The following PAX5 variants were observed in gnomAD, a reference collection of about 807,000 sequenced individuals.
PAX5 encodes paired box 5.
PAX5 carries 9 observed loss-of-function variants against 43.7 expected under a neutral mutation model. The ratio of observed to expected loss-of-function variants is 0.21; its 90% CI spans 0.12 to 0.36. The LOEUF (loss-of-function observed/expected upper bound fraction) is 0.36, where lower values mean the gene tolerates loss of function less well. Ranked by LOEUF, PAX5 falls within the 10% of genes least tolerant of loss-of-function variation. The pLI, the probability that PAX5 is intolerant of heterozygous loss-of-function variation, is 1.00. For synonymous variants in PAX5, 228 were observed against 214.3 expected, an observed-to-expected ratio of 1.06 and a Z score of -0.56; for missense variants, 383 against 532.7, an observed-to-expected ratio of 0.72 and a Z score of 2.77.
intron 7 of PAX5, among the ~76,000 whole-genome samples, chr9:36,895,252 G>GCCGC (rs1414102560): frequency 6.6e-6 from 1 of 152,238 alleles, no homozygotes; most frequent in Non-Finnish European, 1.5e-5. Context: ...GCCTGTGTGT[G>GCCGC]CCGCCGAATC....
At chr9:36,966,778 G>T in intron 5 of PAX5, 54 bp from the exon 6 acceptor site, 1 of 1,534,852 alleles carries the variant, frequency 6.5e-7, no homozygotes, top group Non-Finnish European at 8.9e-7. Context: ...CGTTGCTAAA[G>T]AAAGACAGGT....
At position 37,002,442 on chromosome 9, in the gene PAX5, C is replaced by T. The variant is rs114142264; in HGVS notation, c.604+206G>A. Among the ~76,000 whole-genome samples the T allele has an allele frequency of 0.017, 2,616 of 152,354 alleles. 78 individuals are homozygous for T. Among genetic ancestry groups the T allele is most frequent in the African/African-American group, 0.06 (2,479 of 41,586 alleles). On this transcript the variant is annotated intron_variant, in intron 5 of 9. Coordinates refer to ENST00000358127, the MANE Select transcript of PAX5 (RefSeq NM_016734.3). ...CCATGGGGGAGGCCAGCAAGAATGC[C>T]ACAGTCTCACCCTGCTGCCTGTCTG...
intron 1 of PAX5, among the ~76,000 whole-genome samples, chr9:37,029,918 G>A (rs1302222604): frequency 2.0e-5 from 3 of 152,180 alleles, no homozygotes; most frequent in African/African-American, 7.2e-5. Context: ...GCTGCGGGCT[G>A]GAAACCTTTC....
Position 36,837,444 on chromosome 9 carries a change from G to A in PAX5, c.*3116C>T, listed in dbSNP as rs1465172245. On this transcript the variant is annotated 3_prime_UTR_variant, in exon 10 of 10. Coordinates refer to ENST00000358127, the MANE Select transcript of PAX5 (RefSeq NM_016734.3). ...CCACAATGTCCTTTTCCAAAAGTCA[G>A]AGCTCGAACACAGGGAAGAAGGCCC... The A allele has an allele frequency of 4.3e-6, 1 of 233,190 alleles. No individual in the cohort carries two copies. Among genetic ancestry groups the A allele is most frequent in the Non-Finnish European group, 8.5e-6 (1 of 118,062 alleles). The allele number at this position is 233,190 out of a possible 1,614,324, so 14.4% of individuals were successfully genotyped here.
At chr9:36,898,585 G>A (rs748132623) in intron 7 of PAX5, among the ~76,000 whole-genome samples, 3 of 152,190 alleles carry the variant, frequency 2.0e-5, no homozygotes, top group Non-Finnish European at 4.4e-5. Flanking sequence ...ACAGCTTCTT[G>A]ACGGGAAATG....
chr9:36,902,653 C>T (rs1353135530), intron 7 of PAX5, among the ~76,000 whole-genome samples: 3 of 152,174 alleles, frequency 2.0e-5, no homozygotes, highest in Non-Finnish European at 4.4e-5. Context: ...GGAAGCCACA[C>T]CCTGGCTCCA....
At chr9:37,017,447 C>T (rs1448914116) in intron 2 of PAX5, among the ~76,000 whole-genome samples, 3 of 152,126 alleles carry the variant, frequency 2.0e-5, no homozygotes, top group African/African-American at 7.2e-5. Flanking sequence ...GAATAATGAC[C>T]CCTTGCAATT....
chr9:36,961,752 GACA>G lies in PAX5; in HGVS notation c.780+4794_780+4796del, dbSNP rs1297705081. ...CTCCCAACAGGAGCGCTGCGCCGAC[GACA>G]ACGTCAACGGGAGTTTTACTGAAAC... On this transcript the variant is annotated intron_variant, in intron 6 of 9. Coordinates refer to ENST00000358127, the MANE Select transcript of PAX5 (RefSeq NM_016734.3). Among the ~76,000 whole-genome samples, 3 of 152,248 alleles carry G rather than the reference GACA, an allele frequency of 2.0e-5. No homozygotes were observed. In the East Asian group the frequency reaches 5.8e-4, roughly 29 times the overall value.
chr9:37,034,098 C>CTTTTTTTTTTTTTTTTTTT lies in PAX5; in HGVS notation c.-86_-68dup, dbSNP rs576653546. On this transcript the variant is annotated 5_prime_UTR_variant, in exon 1 of 10. Transcript: ENST00000358127. ...TCCACTTTTTTGTGCCTTTTTTTTTCTTTTTTTTTTTTTTTTTTTTTTTTT... is the reference window on the plus strand; with the variant it reads ...TCCACTTTTTTGTGCCTTTTTTTTTCTTTTTTTTTTTTTTTTTTTTTTTTTTTTTTTTTTTTTTTTTTTT... 154 of 320,074 alleles carry CTTTTTTTTTTTTTTTTTTT rather than the reference C, an allele frequency of 4.8e-4. 10 individuals are homozygous for CTTTTTTTTTTTTTTTTTTT. The highest frequency in any genetic ancestry group is 2.4e-3 in the South Asian group (82 of 33,888). The allele number at this position is 320,074 out of a possible 1,614,324, so 19.8% of individuals were successfully genotyped here.
At chr9:36,898,461 G>C (rs779508634) in intron 7 of PAX5, among the ~76,000 whole-genome samples, 1 of 152,078 alleles carries the variant, frequency 6.6e-6, no homozygotes, top group Admixed American at 6.6e-5. Context: ...TCTGGTCTCC[G>C]GGCCCCAGAA....
intron 8 of PAX5, among the ~76,000 whole-genome samples, chr9:36,847,886 AG>A (rs1470983662): frequency 1.3e-5 from 2 of 152,204 alleles, no homozygotes; most frequent in Non-Finnish European, 2.9e-5. Flanking sequence ...TGTAGCTGGC[AG>A]GGCCTGCCTG....
intron 9 of PAX5, among the ~76,000 whole-genome samples, chr9:36,843,283 G>C (rs973674730): frequency 6.6e-5 from 10 of 152,186 alleles, no homozygotes; most frequent in African/African-American, 2.4e-4. Context: ...ACCTGCCCTG[G>C]GGTATTCTCT....
In PAX5 at chr9:36,881,990, C is replaced by T; in HGVS notation, c.1012+14G>A. 1.3e-6 allele frequency: 2 copies of T among 1,598,530 alleles called. No individual in the cohort carries two copies. Among genetic ancestry groups the T allele is most frequent in the South Asian group, 2.2e-5 (2 of 88,948 alleles). On this transcript the variant is annotated intron_variant, in intron 8 of 9. Coordinates refer to ENST00000358127, the MANE Select transcript of PAX5 (RefSeq NM_016734.3). ...CCGCTGCCTGCTGTGGAGACGCCGACAGTGCAAACTCACCAGGCACCATCC... is the reference window on the plus strand; with the variant it reads ...CCGCTGCCTGCTGTGGAGACGCCGATAGTGCAAACTCACCAGGCACCATCC...
chr9:36,915,360 A>G (rs1829650856), intron 7 of PAX5, among the ~76,000 whole-genome samples: 1 of 152,250 alleles, frequency 6.6e-6, no homozygotes. Flanking sequence ...TTCTCATACT[A>G]TCTCCAACAC....
intron 9 of PAX5, among the ~76,000 whole-genome samples, chr9:36,841,776 TG>T (rs1169584748): frequency 6.6e-6 from 1 of 152,196 alleles, no homozygotes; most frequent in Non-Finnish European, 1.5e-5. Context: ...CTGACCCTGC[TG>T]GGGGCAGGGC....
At chr9:36,879,855 G>A (rs958557470) in intron 8 of PAX5, among the ~76,000 whole-genome samples, 20 of 152,180 alleles carry the variant, frequency 1.3e-4, no homozygotes, top group African/African-American at 4.8e-4. Context: ...ATGAGGAGCC[G>A]GTGGGGCGGG....
chr9:36,962,025 A>G (rs1200399705), intron 6 of PAX5, among the ~76,000 whole-genome samples: 2 of 152,240 alleles, frequency 1.3e-5, no homozygotes, highest in Admixed American at 6.5e-5. Context: ...ATTTCCCTAC[A>G]AAAGCCAGCA....
intron 4 of PAX5, among the ~76,000 whole-genome samples, chr9:37,004,042 G>T (rs1838169831): frequency 6.6e-6 from 1 of 152,246 alleles, no homozygotes; most frequent in Non-Finnish European, 1.5e-5. Context: ...GGAAACTGAG[G>T]CTCCACAGGG....
intron 5 of PAX5, among the ~76,000 whole-genome samples, chr9:36,988,297 A>G (rs1184848401): frequency 6.6e-6 from 1 of 152,190 alleles, no homozygotes; most frequent in African/African-American, 2.4e-5. Context: ...GCCAGCATGA[A>G]TTCCAGTTGG....
Sources: allele counts gnomAD v4.1 joint callset (sites outside exome capture counted in the v4.1 genomes callset), GRCh38; gene constraint gnomAD v4.1.1; transcripts MANE v1.5; gene names NCBI Gene and HGNC (gene_info 2026-07-23, HGNC 2026-07-21).